Variants in ULK4 observed in about 807,000 individuals in gnomAD.
The protein encoded by ULK4 is unc-51 like kinase 4, also known as inactive serine/threonine-protein kinase ULK4.
ULK4 carries 133 observed loss-of-function variants against 160.6 expected under a neutral mutation model. The observed-to-expected ratio is 0.83, with a 90% CI of 0.72 to 0.96. The LOEUF (loss-of-function observed/expected upper bound fraction) is 0.96, where lower values mean the gene tolerates loss of function less well. Among genes scored for constraint, ULK4 ranks in the 40% least tolerant of loss-of-function variants. The probability of loss-of-function intolerance (pLI) is 0.00; values close to 1 mark genes in which losing one functional copy is unlikely to be tolerated. For synonymous variants in ULK4, 534 were observed against 539.8 expected (o/e 0.99, Z 0.15); for missense variants, 1,580 against 1,499.5 (o/e 1.05, Z -0.89).
chr3:41,897,023 A>C lies in ULK4; in HGVS notation c.1349-20T>G, dbSNP rs2030434. 1.4e-4 allele frequency: 218 copies of C among 1,579,362 alleles called. 1 individual carries two copies. In the Middle Eastern group the frequency reaches 1.9e-3, roughly 14 times the overall value. ...TATCCACTGCGATGGAAAGAAAATA[A>C]TAAAAGTACATATGATGAGAAAAAG... On this transcript the variant is annotated intron_variant, in intron 14 of 36. Transcript: ENST00000301831.
intron 34 of ULK4, among the ~76,000 whole-genome samples, chr3:41,408,701 A>G (rs974341703): frequency 1.1e-4 from 16 of 152,104 alleles, no homozygotes; most frequent in African/African-American, 3.6e-4. Context: ...CTACTTCCTA[A>G]TTTTAAAATT....
rs1324237977 is a variant in ULK4 at position 41,246,911 on chromosome 3, T to C, written c.*18A>G. The C allele has an allele frequency of 6.2e-7, 1 of 1,612,676 alleles. No individual in the cohort carries two copies. The highest frequency in any genetic ancestry group is 8.5e-7 in the Non-Finnish European group (1 of 1,179,532). On this transcript the variant is annotated 3_prime_UTR_variant, in exon 37 of 37. Coordinates refer to ENST00000301831, the MANE Select transcript of ULK4 (RefSeq NM_017886.4). Reference sequence around the variant, plus strand: ...GGGCTGGGGCCACAGGGCGGGCTTGTGCTAAGCACCTTCTTGCCTAGTGCC... The same window carrying C: ...GGGCTGGGGCCACAGGGCGGGCTTGCGCTAAGCACCTTCTTGCCTAGTGCC...
chr3:41,459,425 T>C (rs1170545560), intron 33 of ULK4, among the ~76,000 whole-genome samples: 1 of 152,136 alleles, frequency 6.6e-6, no homozygotes, highest in Non-Finnish European at 1.5e-5. Context: ...TAACTGTCAA[T>C]GGTGCGGCTC....
At chr3:41,461,887 C>T (rs935401540) in intron 33 of ULK4, among the ~76,000 whole-genome samples, 1 of 152,116 alleles carries the variant, frequency 6.6e-6, no homozygotes, top group African/African-American at 2.4e-5. Flanking sequence ...AAATAAGAAA[C>T]TGTGTTCTCT....
At chr3:41,442,195 G>A (rs1237949921) in intron 34 of ULK4, among the ~76,000 whole-genome samples, 6 of 152,186 alleles carry the variant, frequency 3.9e-5, no homozygotes, top group Admixed American at 3.9e-4. Context: ...TTATTAGAGA[G>A]AGAGTATTAG....
chr3:41,601,771 A>C (rs2032079589), intron 31 of ULK4, among the ~76,000 whole-genome samples: 2 of 152,234 alleles, frequency 1.3e-5, no homozygotes, highest in South Asian at 2.1e-4. Flanking sequence ...AAACCCACTA[A>C]GGTCATCCAA....
chr3:41,307,825 G>A (rs191566992), intron 35 of ULK4, among the ~76,000 whole-genome samples: 5 of 129,126 alleles, frequency 3.9e-5, no homozygotes, highest in Non-Finnish European at 6.5e-5. Flanking sequence ...GCAAAACCCC[G>A]TTTCATACAT....
At chr3:41,440,762 G>A (rs2083146831) in intron 34 of ULK4, among the ~76,000 whole-genome samples, 1 of 151,974 alleles carries the variant, frequency 6.6e-6, no homozygotes, top group African/African-American at 2.4e-5. Flanking sequence ...TACCACTGAA[G>A]CTATCTGGCA....
chr3:41,576,161 C>T (rs1487668938), intron 31 of ULK4, among the ~76,000 whole-genome samples: 1 of 152,234 alleles, frequency 6.6e-6, no homozygotes, highest in African/African-American at 2.4e-5. Flanking sequence ...CTCCTCACAT[C>T]CCTGCCACTG....
chr3:41,702,249 A>C (rs2036700323), intron 27 of ULK4, among the ~76,000 whole-genome samples: 1 of 152,166 alleles, frequency 6.6e-6, no homozygotes, highest in Non-Finnish European at 1.5e-5. Flanking sequence ...GATTCAAGCG[A>C]TTCTCCTGTC....
intron 35 of ULK4, among the ~76,000 whole-genome samples, chr3:41,361,917 A>C (rs1348747209): frequency 6.6e-6 from 1 of 152,214 alleles, no homozygotes; most frequent in Admixed American, 6.5e-5. Context: ...TTGAGGCTTT[A>C]CTTGATGTTC....
chr3:41,764,644 G>A (rs2039099607), intron 21 of ULK4, among the ~76,000 whole-genome samples: 3 of 152,176 alleles, frequency 2.0e-5, no homozygotes, highest in Admixed American at 2.0e-4. Flanking sequence ...AGTGATAATA[G>A]TGCACTTGAA....
chr3:41,774,104 A>G (rs556101497), intron 21 of ULK4, among the ~76,000 whole-genome samples: 3 of 152,206 alleles, frequency 2.0e-5, no homozygotes, highest in Non-Finnish European at 4.4e-5. Flanking sequence ...TGTTAGACCT[A>G]AAACCATAAA....
At chr3:41,492,126 T>A (rs2125907895) in intron 32 of ULK4, among the ~76,000 whole-genome samples, 1 of 150,784 alleles carries the variant, frequency 6.6e-6, no homozygotes, top group South Asian at 2.1e-4. Flanking sequence ...TAATCCACTC[T>A]ATCATTGTTG....
At chr3:41,824,066 A>T (rs1272960443) in intron 18 of ULK4, among the ~76,000 whole-genome samples, 6 of 150,790 alleles carry the variant, frequency 4.0e-5, no homozygotes, top group African/African-American at 1.2e-4. Context: ...AGGAGGCTGA[A>T]ACAGGAGAAT....
At chr3:41,847,700 A>T (rs1463331523) in intron 17 of ULK4, among the ~76,000 whole-genome samples, 1 of 150,398 alleles carries the variant, frequency 6.6e-6, no homozygotes, top group Non-Finnish European at 1.5e-5. Context: ...ACATAAAATA[A>T]GAACACTGTA....
intron 34 of ULK4, among the ~76,000 whole-genome samples, chr3:41,451,642 G>C (rs964647757): frequency 6.6e-6 from 1 of 151,950 alleles, no homozygotes; most frequent in Non-Finnish European, 1.5e-5. Flanking sequence ...GCAACCTCTG[G>C]CCAGAATCGT....
At chr3:41,420,475 C>CTTTCTTTTTTTTTT (rs2082636372) in intron 34 of ULK4, among the ~76,000 whole-genome samples, 1 of 41,182 alleles carries the variant, frequency 2.4e-5, no homozygotes, top group African/African-American at 1.0e-4. Flanking sequence ...CCAGTTCTTT[C>CTTTCTTTTTTTTTT]TTTTTTTTTT....
At chr3:41,671,628 A>T (rs780400199) in intron 29 of ULK4, among the ~76,000 whole-genome samples, 1 of 152,148 alleles carries the variant, frequency 6.6e-6, no homozygotes, top group Non-Finnish European at 1.5e-5. Context: ...CTAAAAGAAA[A>T]CATAGGGAAA....
Sources: allele counts gnomAD v4.1 joint callset (sites outside exome capture counted in the v4.1 genomes callset), GRCh38; gene constraint gnomAD v4.1.1; transcripts MANE v1.5; gene names NCBI Gene and HGNC (gene_info 2026-07-23, HGNC 2026-07-21).